Variants in CHRM3 observed in about 807,000 individuals in gnomAD.
The protein encoded by CHRM3 is muscarinic acetylcholine receptor M3.
CHRM3 carries 11 observed loss-of-function variants against 41.8 expected under a neutral mutation model. The ratio of observed to expected loss-of-function variants is 0.26; its 90% confidence interval spans 0.17 to 0.44. CHRM3 has a LOEUF of 0.44. Ranked by LOEUF, CHRM3 falls within the 20% of genes least tolerant of loss-of-function variation. The pLI is 1.00. For synonymous variants in CHRM3, 297 were observed against 301.4 expected, an observed-to-expected ratio of 0.99 and a Z score of 0.15; for missense variants, 571 against 745.4, an observed-to-expected ratio of 0.77 and a Z score of 2.72.
chr1:239,646,749 A>G (rs1237287939), intron 4 of CHRM3, among the ~76,000 whole-genome samples: 1 of 152,148 alleles, frequency 6.6e-6, no homozygotes, highest in Non-Finnish European at 1.5e-5. Flanking sequence ...CAAGGCCAGA[A>G]TGAGAATGAC....
At chr1:239,869,838 A>G (rs1312952418) in intron 6 of CHRM3, among the ~76,000 whole-genome samples, 2 of 152,158 alleles carry the variant, frequency 1.3e-5, no homozygotes, top group Non-Finnish European at 2.9e-5. Flanking sequence ...TTATCGATGG[A>G]GTATTCATTT....
At chr1:239,686,484 C>G (rs1467229492) in intron 5 of CHRM3, among the ~76,000 whole-genome samples, 1 of 152,188 alleles carries the variant, frequency 6.6e-6, no homozygotes, top group Admixed American at 6.5e-5. Flanking sequence ...ATGCCTATCC[C>G]TCCTTCTGCT....
At chr1:239,743,364 A>G (rs776310014) in intron 5 of CHRM3, among the ~76,000 whole-genome samples, 14 of 152,168 alleles carry the variant, frequency 9.2e-5, no homozygotes, top group Non-Finnish European at 2.1e-4. Flanking sequence ...TTAATTCCCA[A>G]TGTCTCACAC....
chr1:239,466,293 C>T (rs1665723541), intron 1 of CHRM3, among the ~76,000 whole-genome samples: 1 of 152,148 alleles, frequency 6.6e-6, no homozygotes, highest in African/African-American at 2.4e-5. Flanking sequence ...CCACGCCTGG[C>T]CCATTTCAAT....
intron 5 of CHRM3, among the ~76,000 whole-genome samples, chr1:239,818,470 G>A (rs1367843904): frequency 1.3e-5 from 2 of 152,188 alleles, no homozygotes; most frequent in Non-Finnish European, 1.5e-5. Context: ...GCTCCTTGGT[G>A]TCCAGTCTTT....
At chr1:239,631,340 C>G (rs12088787) in intron 3 of CHRM3, among the ~76,000 whole-genome samples, 1 of 152,110 alleles carries the variant, frequency 6.6e-6, no homozygotes, top group African/African-American at 2.4e-5. Flanking sequence ...AATCCCTCCA[C>G]ATGCACCTCT....
At chr1:239,404,272 GA>G (rs1660255718) in intron 1 of CHRM3, among the ~76,000 whole-genome samples, 2 of 147,968 alleles carry the variant, frequency 1.4e-5, no homozygotes, top group South Asian at 4.4e-4. Flanking sequence ...CTGGGTGACA[GA>G]GCGAGACTCT....
At chr1:239,533,326 A>T (rs1259264606) in intron 2 of CHRM3, among the ~76,000 whole-genome samples, 4 of 152,122 alleles carry the variant, frequency 2.6e-5, no homozygotes, top group African/African-American at 9.7e-5. Context: ...ATTGACTCAC[A>T]GTTCCACATG....
chr1:239,689,466 AAG>A (rs1659499648), intron 5 of CHRM3, among the ~76,000 whole-genome samples: 1 of 152,200 alleles, frequency 6.6e-6, no homozygotes, highest in Admixed American at 6.5e-5. Context: ...ATTTTTTAAT[AAG>A]AGTTAAAAGG....
At chr1:239,410,631 G>T (rs1211127692) in intron 1 of CHRM3, among the ~76,000 whole-genome samples, 1 of 152,170 alleles carries the variant, frequency 6.6e-6, no homozygotes, top group African/African-American at 2.4e-5. Context: ...CTCCCGTATG[G>T]ATTCCTCTCT....
chr1:239,696,688 G>T (rs1274641537), intron 5 of CHRM3, among the ~76,000 whole-genome samples: 1 of 152,120 alleles, frequency 6.6e-6, no homozygotes, highest in Non-Finnish European at 1.5e-5. Context: ...TATGTAGCTG[G>T]CATTTGTGCA....
chr1:239,602,140 A>ACATATATATATATG (rs1432471091), intron 3 of CHRM3, among the ~76,000 whole-genome samples: 4 of 144,836 alleles, frequency 2.8e-5, no homozygotes, highest in Non-Finnish European at 6.0e-5. Context: ...ATATATATAT[A>ACATATATATATATG]ATTTTGTTTT....
chr1:239,702,659 T>A (rs544498010), intron 5 of CHRM3, among the ~76,000 whole-genome samples: 19 of 152,198 alleles, frequency 1.2e-4, no homozygotes, highest in Non-Finnish European at 1.0e-4. Context: ...CAGGCTGGAG[T>A]GAGCGCAGTG....
chr1:239,762,102 T>C (rs1193531599), intron 5 of CHRM3, among the ~76,000 whole-genome samples: 2 of 152,172 alleles, frequency 1.3e-5, no homozygotes, highest in African/African-American at 4.8e-5. Context: ...TCAGCTATTT[T>C]ATCCAGTTTT....
rs75868086 is a variant in CHRM3 at position 239,563,030 on chromosome 1, T to C, written c.-313+17281T>C. On this transcript the variant is annotated intron_variant, in intron 3 of 6. Coordinates refer to ENST00000676153, the MANE Select transcript of CHRM3 (RefSeq NM_001375978.1). ...TAGGCAAAGAAACAGTACACTGCTG[T>C]TGGAAGTTTCAACAAACCTTTTATT... Among the ~76,000 whole-genome samples the C allele has an allele frequency of 3.1e-3, 470 of 152,260 alleles. 3 individuals are homozygous for C. The highest frequency in any genetic ancestry group is 0.011 in the African/African-American group (448 of 41,564).
At chr1:239,537,288 G>A (rs548800237) in intron 2 of CHRM3, among the ~76,000 whole-genome samples, 9 of 152,236 alleles carry the variant, frequency 5.9e-5, no homozygotes, top group East Asian at 5.8e-4. Context: ...ATTGGCTCCC[G>A]GTTCTGCAGG....
intron 3 of CHRM3, among the ~76,000 whole-genome samples, chr1:239,552,256 G>T (rs1412737344): frequency 6.8e-6 from 1 of 145,996 alleles, no homozygotes; most frequent in Non-Finnish European, 1.5e-5. Context: ...ATGTATAGAT[G>T]ATATGTATCA....
intron 4 of CHRM3, among the ~76,000 whole-genome samples, chr1:239,642,261 G>A (rs1200535560): frequency 4.6e-5 from 7 of 150,748 alleles, no homozygotes; most frequent in Admixed American, 1.3e-4. Context: ...TGCTCTTCTC[G>A]AGGAGTATCT....
intron 5 of CHRM3, among the ~76,000 whole-genome samples, chr1:239,717,718 G>T (rs1385966214): frequency 6.6e-6 from 1 of 151,930 alleles, no homozygotes; most frequent in Non-Finnish European, 1.5e-5. Context: ...CAATGTCCGG[G>T]AAATTCAGCC....
Sources: gnomAD v4.1 joint callset for allele counts (sites outside exome capture counted in the v4.1 genomes callset) on GRCh38, gnomAD v4.1.1 for gene constraint, MANE v1.5 for transcripts, NCBI Gene and HGNC (gene_info 2026-07-23, HGNC 2026-07-21) for gene names.